Variants in STK33 observed in about 807,000 individuals in gnomAD.
STK33 encodes serine/threonine kinase 33.
Under a neutral mutation model 58.0 loss-of-function variants are expected in STK33, and 52 were observed. The observed-to-expected ratio is 0.90, with a 90% CI of 0.72 to 1.13. The LOEUF is 1.13. Ranked by LOEUF, STK33 falls within the 50% of genes most tolerant of loss-of-function variation. The pLI is 0.00. For missense variants in STK33, 630 were observed against 604.2 expected, an observed-to-expected ratio of 1.04 and a Z score of -0.45; for synonymous variants, 215 against 200.1, an observed-to-expected ratio of 1.07 and a Z score of -0.63.
intron 1 of STK33, among the ~76,000 whole-genome samples, chr11:8,501,385 T>A (rs984921375): frequency 2.6e-5 from 4 of 152,154 alleles, no homozygotes; most frequent in Admixed American, 2.6e-4. Context: ...AGAATTTGAA[T>A]AAATTTTCCC....
At chr11:8,393,681 A>T (rs1485883299) in intron 15 of STK33, among the ~76,000 whole-genome samples, 2 of 152,242 alleles carry the variant, frequency 1.3e-5, no homozygotes, top group Non-Finnish European at 2.9e-5. Context: ...ACTTGGGTTA[A>T]AAATCAGGTT....
chr11:8,402,487 G>T (rs957321534), intron 15 of STK33, among the ~76,000 whole-genome samples: 1 of 152,144 alleles, frequency 6.6e-6, no homozygotes, highest in Non-Finnish European at 1.5e-5. Context: ...AGCGAGGAGG[G>T]ATAGCATTAG....
chr11:8,343,071 T>A, the STK33 span, among the ~76,000 whole-genome samples: 1 of 152,216 alleles, frequency 6.6e-6, no homozygotes, highest in Admixed American at 6.5e-5. Context: ...CCACATACGA[T>A]CGTTTCCTAT....
chr11:8,421,917 T>C (rs1941980933), intron 14 of STK33, among the ~76,000 whole-genome samples: 1 of 152,156 alleles, frequency 6.6e-6, no homozygotes, highest in South Asian at 2.1e-4. Flanking sequence ...ATATTAATCT[T>C]AAATCCAGCT....
chr11:8,468,155 T>C (rs1253637084), intron 6 of STK33, among the ~76,000 whole-genome samples: 1 of 152,080 alleles, frequency 6.6e-6, no homozygotes, highest in Non-Finnish European at 1.5e-5. Context: ...GAGGAGCAAG[T>C]CACATCTTAC....
intron 14 of STK33, among the ~76,000 whole-genome samples, chr11:8,418,157 T>C (rs1590890589): frequency 6.6e-6 from 1 of 152,138 alleles, no homozygotes; most frequent in East Asian, 1.9e-4. Flanking sequence ...GGTAAACTCG[T>C]GTCACAGGGG....
At chr11:8,479,033 T>C (rs1048823923) in intron 2 of STK33, among the ~76,000 whole-genome samples, 5 of 152,220 alleles carry the variant, frequency 3.3e-5, no homozygotes, top group Non-Finnish European at 7.3e-5. Context: ...ACTTTTCCTT[T>C]CTATTTTAAT....
At chr11:8,559,016 C>T (rs1045939044) in intron 1 of STK33, among the ~76,000 whole-genome samples, 3 of 152,134 alleles carry the variant, frequency 2.0e-5, no homozygotes, top group African/African-American at 7.2e-5. Context: ...TAGAAAACAG[C>T]CACAATTTCT....
intron 1 of STK33, among the ~76,000 whole-genome samples, chr11:8,584,815 A>G (rs568659605): frequency 1.3e-5 from 2 of 152,346 alleles, no homozygotes; most frequent in South Asian, 4.1e-4. Flanking sequence ...ACCCTAAGGT[A>G]AACAGGCAGT....
chr11:8,357,245 G>A, the STK33 span, among the ~76,000 whole-genome samples: 55 of 152,332 alleles, frequency 3.6e-4, no homozygotes, highest in African/African-American at 1.2e-3. Flanking sequence ...AGCAGCGCGC[G>A]GCGCGATTAC....
rs36098804 is a variant in STK33, at chr11:8,517,203, T to A, written c.-465-36589A>T. ...TTTGCTGTTCTGCAGCCTCCGCTGG[T>A]GATACCCAAGCAAACAGGGTCTAGA... On this transcript the variant is annotated intron_variant, in intron 1 of 15. Transcript: ENST00000687296. 9.9e-3 allele frequency among the ~76,000 whole-genome samples: 1,512 copies of A among 152,262 alleles called. 12 individuals carry two copies. The highest frequency in any genetic ancestry group is 0.015 in the Non-Finnish European group (1,029 of 68,018).
intron 1 of STK33, among the ~76,000 whole-genome samples, chr11:8,558,904 C>A (rs1464754422): frequency 6.6e-6 from 1 of 152,158 alleles, no homozygotes; most frequent in Non-Finnish European, 1.5e-5. Flanking sequence ...TATTCAAATT[C>A]AAAAAGCTAA....
intron 1 of STK33, among the ~76,000 whole-genome samples, chr11:8,554,471 G>A (rs1431192892): frequency 8.0e-5 from 11 of 138,112 alleles, no homozygotes; most frequent in South Asian, 2.4e-4. Flanking sequence ...TTTCTACAAA[G>A]ACATACAAAC....
chr11:8,523,002 C>T (rs1482870510), intron 1 of STK33, among the ~76,000 whole-genome samples: 1 of 152,216 alleles, frequency 6.6e-6, no homozygotes, highest in East Asian at 1.9e-4. Context: ...CCGTGTTGGC[C>T]GGGCTGGTCT....
chr11:8,396,947 G>C (rs962797547), intron 15 of STK33, among the ~76,000 whole-genome samples: 2 of 152,214 alleles, frequency 1.3e-5, no homozygotes, highest in Non-Finnish European at 2.9e-5. Flanking sequence ...GCTTGAGTAG[G>C]TAAACAAAGT....
At chr11:8,427,182 G>C (rs937796056) in intron 14 of STK33, among the ~76,000 whole-genome samples, 1 of 151,986 alleles carries the variant, frequency 6.6e-6, no homozygotes, top group African/African-American at 2.4e-5. Flanking sequence ...CTGAGCTCTT[G>C]TATATTTGAA....
intron 1 of STK33, among the ~76,000 whole-genome samples, chr11:8,590,519 T>A (rs1271427989): frequency 6.6e-6 from 1 of 152,186 alleles, no homozygotes; most frequent in Non-Finnish European, 1.5e-5. Flanking sequence ...ACATCCTTAC[T>A]GAACTTCACT....
the STK33 span, among the ~76,000 whole-genome samples, chr11:8,351,170 G>A: frequency 5.3e-5 from 8 of 151,722 alleles, no homozygotes; most frequent in Admixed American, 2.0e-4. Flanking sequence ...GAAACCAAAC[G>A]CCAATTCTAT....
intron 9 of STK33, among the ~76,000 whole-genome samples, chr11:8,455,491 T>C (rs1044999192): frequency 2.0e-5 from 3 of 152,138 alleles, no homozygotes; most frequent in African/African-American, 7.2e-5. Flanking sequence ...TTCATATCCA[T>C]TGCAAACATT....
Sources: allele counts gnomAD v4.1 joint callset (sites outside exome capture counted in the v4.1 genomes callset), GRCh38; gene constraint gnomAD v4.1.1; transcripts MANE v1.5; gene names NCBI Gene and HGNC (gene_info 2026-07-23, HGNC 2026-07-21).